Variants in ASTN2 observed in about 807,000 individuals in gnomAD.
ASTN2 encodes the protein astrotactin-2.
ASTN2 carries 54 observed loss-of-function variants against 139.8 expected under a neutral mutation model. The ratio of observed to expected loss-of-function variants is 0.39; its 90% CI spans 0.31 to 0.48. The LOEUF (loss-of-function observed/expected upper bound fraction) is 0.48, where lower values mean the gene tolerates loss of function less well. Ranked by LOEUF, ASTN2 falls within the 20% of genes least tolerant of loss-of-function variation. ASTN2 has a pLI of 0.95. For missense variants in ASTN2, 1,565 were observed against 1,725.1 expected (o/e 0.91, Z 1.64); for synonymous variants, 756 against 719.5 (o/e 1.05, Z -0.81).
intron 5 of ASTN2, among the ~76,000 whole-genome samples, chr9:117,050,511 C>T (rs747922496): frequency 2.0e-4 from 31 of 152,094 alleles, no homozygotes; most frequent in Non-Finnish European, 2.9e-5. Context: ...ACCTACAGAA[C>T]TTCCTTTATC....
chr9:116,775,571 AG>A, intron 13 of ASTN2, among the ~76,000 whole-genome samples: 1 of 87,666 alleles, frequency 1.1e-5, no homozygotes, highest in Non-Finnish European at 2.2e-5. Context: ...AAGGGAGGGA[AG>A]GGAGGAGGAA....
chr9:116,567,874 T>C (rs564422875), intron 19 of ASTN2, among the ~76,000 whole-genome samples: 131 of 152,308 alleles, frequency 8.6e-4, no homozygotes, highest in Admixed American at 1.4e-3. Context: ...TAAGAGTTAT[T>C]ATCTCTGCAT....
At chr9:116,681,198 A>G (rs1477623697) in intron 16 of ASTN2, among the ~76,000 whole-genome samples, 1 of 152,178 alleles carries the variant, frequency 6.6e-6, no homozygotes, top group Non-Finnish European at 1.5e-5. Context: ...AAATCAATGT[A>G]CAAAAATCAC....
At chr9:116,822,009 G>C (rs1235164892) in intron 11 of ASTN2, among the ~76,000 whole-genome samples, 1 of 151,862 alleles carries the variant, frequency 6.6e-6, no homozygotes, top group African/African-American at 2.4e-5. Context: ...GGCATTTCTT[G>C]TCCACAAAGA....
intron 12 of ASTN2, among the ~76,000 whole-genome samples, chr9:116,806,280 C>A (rs1204063088): frequency 6.6e-6 from 1 of 152,190 alleles, no homozygotes; most frequent in Non-Finnish European, 1.5e-5. Flanking sequence ...ATGGACAGCA[C>A]AAGGCTTCTG....
Position 117,199,352 on chromosome 9 carries a change from C to T in ASTN2, c.1015+15006G>A, listed in dbSNP as rs1161887741. ...TCCAGTTTCACTTTTCTGCATATGG[C>T]TAGCCAGCACCATTTACTGCAGAGA... On this transcript the variant is annotated intron_variant, in intron 3 of 22. Transcript: ENST00000313400. Among the ~76,000 whole-genome samples, 12 of 152,078 alleles carry T rather than the reference C, an allele frequency of 7.9e-5. No homozygotes were observed. The East Asian group carries it at 2.1e-3, about 27-fold the overall frequency.
intron 19 of ASTN2, among the ~76,000 whole-genome samples, chr9:116,616,806 A>C (rs914811926): frequency 5.4e-5 from 8 of 146,912 alleles, no homozygotes; most frequent in African/African-American, 1.5e-4. Flanking sequence ...CACACACACA[A>C]AATACACACC....
chr9:117,395,166 T>C (rs1253920891), intron 1 of ASTN2, among the ~76,000 whole-genome samples: 2 of 152,150 alleles, frequency 1.3e-5, no homozygotes, highest in Non-Finnish European at 2.9e-5. Context: ...GGCAGAATCA[T>C]CCAAGAAAGG....
rs745701401 is a variant in ASTN2, at chr9:116,423,814, A to T, written c.*2037T>A. ...TATGGATTGAAGTCCTGGGGAAAAA[A>T]ATGCGCTCAATATGTAGGTTATCAG... is the stretch of plus-strand genomic sequence containing the variant. On this transcript the variant is annotated 3_prime_UTR_variant, in exon 23 of 23. Coordinates refer to ENST00000313400, the MANE Select transcript of ASTN2 (RefSeq NM_001365068.1). 2.0e-5 allele frequency among the ~76,000 whole-genome samples: 3 copies of T among 152,152 alleles called. No homozygotes were observed. Among genetic ancestry groups the T allele is most frequent in the Non-Finnish European group, 2.9e-5 (2 of 68,034 alleles).
At chr9:116,635,177 T>C (rs1857014529) in intron 17 of ASTN2, among the ~76,000 whole-genome samples, 1 of 152,220 alleles carries the variant, frequency 6.6e-6, no homozygotes. Flanking sequence ...AAGTACTGCC[T>C]TTTCTTTACA....
rs2118785128 is a variant in ASTN2, at chr9:116,423,614, A to G, written c.*2237T>C. Reference sequence around the variant, plus strand: ...GTATACCCAGGAAGTGGTATACATGAGAGGCATTTAGAAGCTCCACCTGTA... The same window carrying G: ...GTATACCCAGGAAGTGGTATACATGGGAGGCATTTAGAAGCTCCACCTGTA... On this transcript the variant is annotated 3_prime_UTR_variant, in exon 23 of 23. Transcript: ENST00000313400. Among the ~76,000 whole-genome samples the G allele has an allele frequency of 6.6e-6, 1 of 152,332 alleles. No individual in the cohort carries two copies. The highest frequency in any genetic ancestry group is 2.1e-4 in the South Asian group (1 of 4,828).
intron 10 of ASTN2, among the ~76,000 whole-genome samples, chr9:116,922,083 C>T (rs1834628558): frequency 6.6e-6 from 1 of 152,144 alleles, no homozygotes; most frequent in Admixed American, 6.5e-5. Flanking sequence ...GCCCTAGAAC[C>T]TCTTCCTTCC....
chr9:116,948,795 T>TTTGTTTTTTTTTTTTTTG (rs1273409925), intron 10 of ASTN2, among the ~76,000 whole-genome samples: 1 of 117,880 alleles, frequency 8.5e-6, no homozygotes, highest in African/African-American at 3.8e-5. Context: ...GTTTTTTTTT[T>TTTGTTTTTTTTTTTTTTG]TTTTTTTTTT....
chr9:116,851,471 C>CATCTATCT (rs58927400), intron 11 of ASTN2, among the ~76,000 whole-genome samples: 17,482 of 148,862 alleles, frequency 0.12, 1,101 homozygotes, highest in Admixed American at 0.13. Context: ...AATTGCTAAA[C>CATCTATCT]ATCTATCTAT....
At chr9:117,139,988 C>G (rs1437236752) in intron 4 of ASTN2, among the ~76,000 whole-genome samples, 1 of 152,138 alleles carries the variant, frequency 6.6e-6, no homozygotes, top group African/African-American at 2.4e-5. Flanking sequence ...CTCCCTGGCC[C>G]CACCACTTAC....
chr9:117,405,986 G>A (rs1158411730), intron 1 of ASTN2, among the ~76,000 whole-genome samples: 2 of 152,186 alleles, frequency 1.3e-5, no homozygotes, highest in African/African-American at 2.4e-5. Context: ...GATGGATAGT[G>A]TTTAGGCTCA....
intron 13 of ASTN2, among the ~76,000 whole-genome samples, chr9:116,775,199 T>C (rs4837845): frequency 0.42 from 64,344 of 151,696 alleles, 14,831 homozygotes; most frequent in Non-Finnish European, 0.52. Flanking sequence ...GCGATTCCAC[T>C]GAGTCCCTCA....
At chr9:117,162,256 C>T (rs1830570758) in intron 3 of ASTN2, among the ~76,000 whole-genome samples, 2 of 152,060 alleles carry the variant, frequency 1.3e-5, no homozygotes, top group South Asian at 4.1e-4. Context: ...CCTCCTCCTT[C>T]CTGGAGGTGA....
At chr9:116,658,530 A>T (rs1858361909) in intron 16 of ASTN2, among the ~76,000 whole-genome samples, 1 of 152,168 alleles carries the variant, frequency 6.6e-6, no homozygotes, top group Non-Finnish European at 1.5e-5. Flanking sequence ...GTAGGTAGGA[A>T]GGGATCACTG....
Sources: allele counts gnomAD v4.1 joint callset (sites outside exome capture counted in the v4.1 genomes callset), GRCh38; gene constraint gnomAD v4.1.1; transcripts MANE v1.5; gene names NCBI Gene and HGNC (gene_info 2026-07-23, HGNC 2026-07-21).